TNRC18: variants seen among roughly 807,000 people sequenced by gnomAD.
The protein encoded by TNRC18 is trinucleotide repeat containing 18.
A neutral mutation model predicts 226.7 loss-of-function variants in TNRC18; 69 were observed. That is an observed-to-expected ratio of 0.30 (90% CI 0.25 to 0.37). TNRC18 has a LOEUF of 0.37. Ranked by LOEUF, TNRC18 falls within the 10% of genes least tolerant of loss-of-function variation. TNRC18 has a pLI of 1.00. For missense variants in TNRC18, 4,754 were observed against 4,256.6 expected (o/e 1.12, Z -3.25); for synonymous variants, 2,449 against 1,927.6 (o/e 1.27, Z -7.09).
rs7798005 is a variant in TNRC18, at chr7:5,324,350, G to A, written c.6306C>T (p.Arg2102=). ...AKGKEVKKEN[R]GKGGAVSKLM... ...GCTTGCTCACGGCACCCCCCTTGCCGCGGTTCTGGGGACAGAACATGGCCG... is the reference window on the plus strand; with the variant it reads ...GCTTGCTCACGGCACCCCCCTTGCCACGGTTCTGGGGACAGAACATGGCCG... Residue 2102 remains arginine, a synonymous_variant, in exon 21 of 30, where the codon CGC becomes CGT. Coordinates refer to ENST00000430969, the MANE Select transcript of TNRC18 (RefSeq NM_001080495.3). This position sits in a 1 kb window ranked among gnomAD's most constrained non-coding sequence, Gnocchi z 4.8. 0.02 allele frequency: 31,798 copies of A among 1,613,246 alleles called. 725 individuals are homozygous for A. Among genetic ancestry groups the A allele is most frequent in the Admixed American group, 0.1 (6,151 of 59,992 alleles).
Position 5,394,444 on chromosome 7 carries a change from A to C in TNRC18, c.339T>G (p.His113Gln). The change falls in exon 3 of 30, where the codon CAT becomes CAG. Residue 113 changes from histidine to glutamine, a missense_variant. Transcript: ENST00000430969. This position sits in a 1 kb window ranked among gnomAD's most constrained non-coding sequence, Gnocchi z 4.5. The part of the protein sequence containing the change: ...PMVQLWAAHA[H>Q]EGFSHLPSGL... ...CGACCCCGGCATGTTCCTTACCTTC[A>C]TGGGCGTGGGCGGCCCACAGCTGCA... 6.5e-7 allele frequency: 1 copy of C among 1,540,054 alleles called. No homozygotes were observed. Among genetic ancestry groups the C allele is most frequent in the Non-Finnish European group, 8.7e-7 (1 of 1,144,214 alleles).
chr7:5,321,013 C>T, intron 22 of TNRC18, 60 bp downstream of exon 22: 7 of 1,253,820 alleles, frequency 5.6e-6, no homozygotes, highest in Non-Finnish European at 7.8e-6. Flanking sequence ...ACAGAGGCGG[C>T]CGGGACACGG....
chr7:5,412,012 C>T (rs959113796), intron 2 of TNRC18, among the ~76,000 whole-genome samples: 1 of 151,938 alleles, frequency 6.6e-6, no homozygotes, highest in Non-Finnish European at 1.5e-5. Flanking sequence ...TAGCGAGAGA[C>T]CCCATGTCTA....
At chr7:5,365,844 C>T (rs1222180261) in intron 11 of TNRC18, among the ~76,000 whole-genome samples, 3 of 151,870 alleles carry the variant, frequency 2.0e-5, no homozygotes, top group Non-Finnish European at 2.9e-5. Flanking sequence ...CCGAGGCGGG[C>T]GGATCACCTG....
At position 5,376,151 on chromosome 7, in the gene TNRC18, G is replaced by C; in HGVS notation, c.2682C>G (p.His894Gln). 1 of 1,584,806 alleles carries C rather than the reference G, an allele frequency of 6.3e-7. No homozygotes were observed. The highest frequency in any genetic ancestry group is 8.6e-7 in the Non-Finnish European group (1 of 1,166,618). Reference protein sequence around the residue: ...ALYPPGRSPLHHAQQLQLFSQ... With the variant: ...ALYPPGRSPLQHAQQLQLFSQ... ...AGAAGAGCTGCAGCTGCTGGGCGTGGTGCAGGGGGCTGCGGCCCGGCGGGT... is the reference window on the plus strand; with the variant it reads ...AGAAGAGCTGCAGCTGCTGGGCGTGCTGCAGGGGGCTGCGGCCCGGCGGGT... Residue 894 changes from histidine to glutamine, a missense_variant, in exon 9 of 30, where the codon CAC becomes CAG. Transcript: ENST00000430969.
At chr7:5,354,936 G>A (rs1229515513) in intron 16 of TNRC18, among the ~76,000 whole-genome samples, 3 of 152,208 alleles carry the variant, frequency 2.0e-5, no homozygotes, top group East Asian at 1.9e-4. Context: ...GCGACTTTTC[G>A]CCCTTGACAG....
At chr7:5,367,556 T>G (rs1297818568) in intron 11 of TNRC18, among the ~76,000 whole-genome samples, 4 of 150,858 alleles carry the variant, frequency 2.7e-5, no homozygotes, top group African/African-American at 9.7e-5. Context: ...GCCTCCCGAG[T>G]AGCTGGGATT....
intron 11 of TNRC18, among the ~76,000 whole-genome samples, 165 bp from the exon 12 acceptor site, chr7:5,362,990 C>T (rs1316196108): frequency 6.6e-6 from 1 of 152,238 alleles, no homozygotes; most frequent in African/African-American, 2.4e-5. Context: ...TCCTGAGCAT[C>T]TCTAAACAAG....
rs780730062 is a variant in TNRC18, at chr7:5,389,327, T to C, written c.497A>G (p.Tyr166Cys). 1.3e-4 allele frequency: 164 copies of C among 1,279,252 alleles called. No individual in the cohort carries two copies. Among genetic ancestry groups the C allele is most frequent in the Non-Finnish European group, 3.9e-5 (40 of 1,013,402 alleles). 79.2% of individuals were successfully genotyped at this position (1,279,252 alleles called of 1,614,324 possible). ...KGQGPGGDGF[Y>C]LPTAGAPGSL... ...GCCCGGAGCCCCCGCGGTGGGCAGGTAGAAACCGTCTGCGGAGAAGGGAAC... is the reference window on the plus strand; with the variant it reads ...GCCCGGAGCCCCCGCGGTGGGCAGGCAGAAACCGTCTGCGGAGAAGGGAAC... The change falls in exon 5 of 30, where the codon TAC (tyrosine) becomes TGC (cysteine). Residue 166 changes from tyrosine to cysteine, a missense_variant. Transcript: ENST00000430969.
At chr7:5,331,523 C>T (rs1789517942) in intron 19 of TNRC18, among the ~76,000 whole-genome samples, 2 of 152,190 alleles carry the variant, frequency 1.3e-5, no homozygotes, top group African/African-American at 2.4e-5. Context: ...AAAGTACCAG[C>T]AGCGCCGGTG....
At position 5,388,758 on chromosome 7, in the gene TNRC18, C is replaced by A; in HGVS notation, c.1066G>T (p.Val356Phe). ...CCCTGCTCGCGGAAGACGGTGTAGA[C>A]GCCGGCGGGGGTGGCCGCGGGGGGT... is the stretch of plus-strand genomic sequence containing the variant. The part of the protein sequence containing the change: ...PAPPAATPAG[V>F]YTVFREQGRE... Residue 356 changes from valine to phenylalanine, a missense_variant, in exon 5 of 30, where the codon GTC becomes TTC. Transcript: ENST00000430969. 8.1e-7 allele frequency: 1 copy of A among 1,232,924 alleles called. No homozygotes were observed. The highest frequency in any genetic ancestry group is 1.6e-5 in the African/African-American group (1 of 61,610). 76.4% of individuals were successfully genotyped at this position (1,232,924 alleles called of 1,614,324 possible). A position where few individuals can be genotyped will look rare whatever the true frequency, so the allele number is the denominator to read the frequency against.
At position 5,370,643 on chromosome 7, in the gene TNRC18, G is replaced by A. The variant is rs748578355; in HGVS notation, c.3951C>T (p.Leu1317=). The A allele has an allele frequency of 6.1e-5, 99 of 1,612,856 alleles. No homozygotes were observed. The Admixed American group carries it at 7.7e-4, about 12-fold the overall frequency. The change falls in exon 11 of 30, where the codon CTC becomes CTT. Residue 1317 remains leucine, a synonymous_variant. Coordinates refer to ENST00000430969, the MANE Select transcript of TNRC18 (RefSeq NM_001080495.3). Reference sequence around the variant, plus strand: ...CCTCTTCCAGGAAGCAGGTGCTGCCGAGTACAGGCACGGCCTCTTGGGGCT... The same window carrying A: ...CCTCTTCCAGGAAGCAGGTGCTGCCAAGTACAGGCACGGCCTCTTGGGGCT... ...SLEPQEAVPV[L]GSTCFLEEAS... is the part of the protein sequence containing the mutation.
At chr7:5,412,911 C>A (rs1474745323) in intron 2 of TNRC18, among the ~76,000 whole-genome samples, 1 of 152,198 alleles carries the variant, frequency 6.6e-6, no homozygotes, top group Non-Finnish European at 1.5e-5. Context: ...CCTGAAAAAA[C>A]CTCACATGCA....
At chr7:5,364,462 A>AACACACAC (rs58752853) in intron 11 of TNRC18, among the ~76,000 whole-genome samples, 1,918 of 116,518 alleles carry the variant, frequency 0.016, 27 homozygotes, top group Middle Eastern at 0.021. Flanking sequence ...TCTCAAAGAA[A>AACACACAC]ACACACACAC....
At chr7:5,311,843 AAAG>A (rs1361536528) in intron 27 of TNRC18, among the ~76,000 whole-genome samples, 2 of 151,672 alleles carry the variant, frequency 1.3e-5, no homozygotes, top group East Asian at 3.9e-4. Context: ...GAAAGAAAGA[AAAG>A]AAAAAGCCAG....
rs766889954 is a variant in TNRC18, at chr7:5,332,907, G to A, written c.5862C>T (p.Asp1954=). ...GCTTGGCCTTGTCTGGGCTGCTGGG[G>A]TCGGGACCGCGGGCGCCAGGCGTGG... ...AAPTPGARGP[D]PSSPDKAKLA... is the part of the protein sequence containing the mutation. Residue 1954 remains aspartate, a synonymous_variant, in exon 19 of 30, where the codon GAC becomes GAT. Coordinates refer to ENST00000430969, the MANE Select transcript of TNRC18 (RefSeq NM_001080495.3). 7.2e-6 allele frequency: 11 copies of A among 1,537,700 alleles called. No homozygotes were observed. Among genetic ancestry groups the A allele is most frequent in the Admixed American group, 2.0e-5 (1 of 50,782 alleles).
At chr7:5,345,519 C>CCCCCCCCCCCCCCCCCCCCCCCCCA in intron 18 of TNRC18, 43 bp downstream of exon 18, 2 of 174,076 alleles carry the variant, frequency 1.1e-5, no homozygotes, top group East Asian at 2.0e-4. Context: ...TGGCGTCCGC[C>CCCCCCCCCCCCCCCCCCCCCCCCCA]CCTCCCACCC....
chr7:5,374,201 C>CGGG lies in TNRC18; in HGVS notation c.3082_3083insCCC (p.Ser1028delinsThrArg). 2 of 738,484 alleles carry CGGG rather than the reference C, an allele frequency of 2.7e-6. No individual in the cohort carries two copies. Among genetic ancestry groups the CGGG allele is most frequent in the African/African-American group, 3.1e-5 (1 of 31,750 alleles). 45.7% of individuals were successfully genotyped at this position (738,484 alleles called of 1,614,324 possible). A position where few individuals can be genotyped will look rare whatever the true frequency, so the allele number is the denominator to read the frequency against. ...GGGCGGCGGGCTGGTGGGGTGGGAG[C>CGGG]TGGGGGTGGCGGGGTAGGCGTAGGC... On this transcript the variant is annotated protein_altering_variant, in exon 10 of 30. Transcript: ENST00000430969.
chr7:5,384,214 C>T lies in TNRC18; in HGVS notation c.2152+3458G>A, dbSNP rs372691916. Among the ~76,000 whole-genome samples the T allele has an allele frequency of 9.9e-5, 15 of 152,240 alleles. No homozygotes were observed. The South Asian group carries it at 2.9e-3, about 29-fold the overall frequency. ...AACTCCTGACCTCGGGTGATCCACCCGCCTCGGTCTCCCAAAGTGCTGGGA... is the reference window on the plus strand; with the variant it reads ...AACTCCTGACCTCGGGTGATCCACCTGCCTCGGTCTCCCAAAGTGCTGGGA... On this transcript the variant is annotated intron_variant, in intron 5 of 29. Coordinates refer to ENST00000430969, the MANE Select transcript of TNRC18 (RefSeq NM_001080495.3).
Sources: gnomAD v4.1 joint callset for allele counts (sites outside exome capture counted in the v4.1 genomes callset) on GRCh38, gnomAD v4.1.1 for gene constraint, Gnocchi (gnomAD v3.1) non-coding constraint, MANE v1.5 for transcripts, NCBI Gene and HGNC (gene_info 2026-07-23, HGNC 2026-07-21) for gene names.